PDXDC1: variants seen among roughly 807,000 people sequenced by gnomAD.
PDXDC1 encodes pyridoxal-dependent decarboxylase domain-containing protein 1.
PDXDC1 carries 42 observed loss-of-function variants against 100.1 expected under a neutral mutation model. That is an observed-to-expected ratio of 0.42 (90% CI 0.33 to 0.54). The LOEUF (loss-of-function observed/expected upper bound fraction) is 0.54. PDXDC1 is among the 20% of genes least tolerant of loss of function. The pLI, the probability that PDXDC1 is intolerant of heterozygous loss-of-function variation, is 0.10. For synonymous variants in PDXDC1, 260 were observed against 371.7 expected (o/e 0.70, Z 3.46); for missense variants, 636 against 979.2 (o/e 0.65, Z 4.68).
chr16:14,977,310 C>T (rs570376377), intron 1 of PDXDC1, among the ~76,000 whole-genome samples: 6 of 118,550 alleles, frequency 5.1e-5, no homozygotes, highest in Admixed American at 1.2e-4. Context: ...GAGGGAGTCT[C>T]GGTCTCTTGC....
chr16:15,146,363 G>A, the PDXDC1 span, among the ~76,000 whole-genome samples: 5 of 152,172 alleles, frequency 3.3e-5, no homozygotes, highest in Non-Finnish European at 5.9e-5. Context: ...AGCAGGGTCC[G>A]CACGTCAGGG....
At chr16:15,145,793 G>A in the PDXDC1 span, among the ~76,000 whole-genome samples, 2 of 152,266 alleles carry the variant, frequency 1.3e-5, no homozygotes, top group Admixed American at 6.5e-5. Context: ...GCCCGCAGAC[G>A]TGCCCGGCCT....
At position 15,046,439 on chromosome 16, in the gene PDXDC1, C is replaced by A. The variant is rs186843229; in HGVS notation, c.1399+16383C>A. On this transcript the variant is annotated intron_variant, in intron 16 of 16. Transcript: ENST00000535621. ...ACAGCAGGCCTGTGTCGTCGGCCTC[C>A]ACCTAGCTCCTGTGTGCTCCAGCAC... is the stretch of plus-strand genomic sequence containing the variant. Among the ~76,000 whole-genome samples the A allele has an allele frequency of 1.3e-3, 204 of 152,278 alleles. 1 individual carries two copies. The highest frequency in any genetic ancestry group is 1.1e-3 in the Non-Finnish European group (73 of 68,006).
At chr16:15,052,293 A>T (rs2044323670) in intron 16 of PDXDC1, among the ~76,000 whole-genome samples, 2 of 152,196 alleles carry the variant, frequency 1.3e-5, no homozygotes, top group Non-Finnish European at 2.9e-5. Context: ...CCATGTTACA[A>T]AATATTATTT....
At chr16:14,976,228 C>T (rs1966822260) in intron 1 of PDXDC1, among the ~76,000 whole-genome samples, 1 of 152,288 alleles carries the variant, frequency 6.6e-6, no homozygotes, top group Non-Finnish European at 1.5e-5. Context: ...CAATCCAGTG[C>T]ATACCCGGTT....
In PDXDC1 at chr16:15,079,890, C is replaced by T. The variant is rs1216423567; in HGVS notation, c.1399+49834C>T. ...GGGAATACAGGCGTGAGTCACCACG[C>T]CTGGCCAAGTGGATTCTTTTCTATC... On this transcript the variant is annotated intron_variant, in intron 16 of 16. Coordinates refer to the PDXDC1 transcript ENST00000535621. The T allele has an allele frequency of 8.5e-6, 11 of 1,288,092 alleles. No individual in the cohort carries two copies. The East Asian group carries it at 2.7e-4, about 31-fold the overall frequency. The allele number at this position is 1,288,092 out of a possible 1,614,324, so 79.8% of individuals were successfully genotyped here. A position where few individuals can be genotyped will look rare whatever the true frequency, so the allele number is the denominator to read the frequency against.
At chr16:15,085,780 A>C in intron 16 of PDXDC1, 8 of 1,567,998 alleles carry the variant, frequency 5.1e-6, no homozygotes, top group Non-Finnish European at 7.0e-6. Context: ...ACTGACCTAG[A>C]CAATGAACAG....
chr16:15,139,658 G>A (rs1440390540), downstream of PDXDC1, among the ~76,000 whole-genome samples: 3 of 151,930 alleles, frequency 2.0e-5, no homozygotes, highest in African/African-American at 7.3e-5. Flanking sequence ...GTGTGGAGCT[G>A]TAGTTCCAAC....
At chr16:15,117,721 A>AT (rs1414109730) in intron 16 of PDXDC1, among the ~76,000 whole-genome samples, 1 of 113,560 alleles carries the variant, frequency 8.8e-6, no homozygotes, top group East Asian at 2.4e-4. Flanking sequence ...AAAAAAAAAA[A>AT]GCTTCCTCCA....
intron 1 of PDXDC1, among the ~76,000 whole-genome samples, chr16:14,987,444 A>G (rs1485037826): frequency 6.6e-6 from 1 of 152,288 alleles, no homozygotes; most frequent in African/African-American, 2.4e-5. Context: ...GGCGTTAATT[A>G]TTAGCACAAT....
At chr16:15,084,376 A>C (rs1031074533) in intron 16 of PDXDC1, among the ~76,000 whole-genome samples, 1 of 152,236 alleles carries the variant, frequency 6.6e-6, no homozygotes, top group Admixed American at 6.5e-5. Context: ...TTTGGATAGC[A>C]TATCTGTTGA....
At chr16:15,131,072 A>G (rs1036793171) in intron 16 of PDXDC1, 1 of 1,602,618 alleles carries the variant, frequency 6.2e-7, no homozygotes, top group Non-Finnish European at 8.5e-7. Flanking sequence ...CGTGTGCCTC[A>G]CCCGCTGCAC....
At position 15,090,674 on chromosome 16, in the gene PDXDC1, G is replaced by A. The variant is rs992410352; in HGVS notation, c.1400-48205G>A. 3.9e-5 allele frequency among the ~76,000 whole-genome samples: 6 copies of A among 152,152 alleles called. No individual in the cohort carries two copies. The South Asian group carries it at 6.2e-4, about 16-fold the overall frequency. ...CACAGTGGAAAATAGAGGCAGAGAG[G>A]TTAAAACAATTTGCTCAAGATCACA... On this transcript the variant is annotated intron_variant, in intron 16 of 16. Transcript: ENST00000535621.
At chr16:15,148,616 T>TC in the PDXDC1 span, among the ~76,000 whole-genome samples, 6 of 151,358 alleles carry the variant, frequency 4.0e-5, no homozygotes, top group African/African-American at 1.2e-4. Context: ...ACTCCTGGGC[T>TC]CAAGCGATCC....
rs149743575 is a variant in PDXDC1 at position 15,095,177 on chromosome 16, C to T, written c.1400-43702C>T. Among the ~76,000 whole-genome samples the T allele has an allele frequency of 2.7e-3, 410 of 152,056 alleles. 11 individuals are homozygous for T. In the East Asian group the frequency reaches 0.055, roughly 20 times the overall value. ...AAAAGAGGAACAGGAGTCAGCCAGA[C>T]CAACAAAAGAGCCACTGGCGTTCCA... On this transcript the variant is annotated intron_variant, in intron 16 of 16. Coordinates refer to the PDXDC1 transcript ENST00000535621.
chr16:15,089,024 C>T (rs989524197), intron 16 of PDXDC1, among the ~76,000 whole-genome samples: 21 of 152,034 alleles, frequency 1.4e-4, no homozygotes, highest in African/African-American at 3.4e-4. Context: ...AAGTCTAGGC[C>T]GGGTGGAGTG....
chr16:15,030,505 C>T (rs2042979303), intron 16 of PDXDC1, among the ~76,000 whole-genome samples: 1 of 142,490 alleles, frequency 7.0e-6, no homozygotes, highest in South Asian at 2.2e-4. Flanking sequence ...GAGATTACAC[C>T]ACTGCACTCC....
chr16:15,041,002 G>T, downstream of PDXDC1: 1 of 1,104,766 alleles, frequency 9.1e-7, no homozygotes. Context: ...TCATTGGTTT[G>T]CTGAATTAGA....
At chr16:15,078,794 T>C (rs561843302) in intron 16 of PDXDC1, among the ~76,000 whole-genome samples, 2 of 147,990 alleles carry the variant, frequency 1.4e-5, no homozygotes, top group East Asian at 2.0e-4. Flanking sequence ...TCCAACTGCC[T>C]CCTCTTCGTA....
Sources: gnomAD v4.1 joint callset for allele counts (sites outside exome capture counted in the v4.1 genomes callset) on GRCh38, gnomAD v4.1.1 for gene constraint, MANE v1.5 for transcripts, NCBI Gene and HGNC (gene_info 2026-07-23, HGNC 2026-07-21) for gene names.